Variants in COL13A1 observed in about 807,000 individuals in gnomAD.
COL13A1 encodes the protein collagen alpha-1(XIII) chain.
COL13A1 carries 89 observed loss-of-function variants against 130.9 expected under a neutral mutation model. That is an observed-to-expected ratio of 0.68 (90% CI 0.57 to 0.81). The LOEUF is 0.81. Among genes scored for constraint, COL13A1 ranks in the 30% least tolerant of loss-of-function variants. The pLI, the probability that COL13A1 is intolerant of heterozygous loss-of-function variation, is 0.00. For synonymous variants in COL13A1, 402 were observed against 341.6 expected, an observed-to-expected ratio of 1.18 and a Z score of -1.95; for missense variants, 879 against 934.6, an observed-to-expected ratio of 0.94 and a Z score of 0.78.
At chr10:69,936,578 C>T (rs2066949894) in intron 32 of COL13A1, among the ~76,000 whole-genome samples, 178 bp from the exon 33 acceptor site, 1 of 152,038 alleles carries the variant, frequency 6.6e-6, no homozygotes, top group South Asian at 2.1e-4. Flanking sequence ...TCAGACTATT[C>T]CCTAGGAAGC....
At chr10:69,856,942 C>G (rs1022031538) in intron 2 of COL13A1, among the ~76,000 whole-genome samples, 1 of 151,698 alleles carries the variant, frequency 6.6e-6, no homozygotes, top group East Asian at 1.9e-4. Flanking sequence ...CAAGGCTCAT[C>G]CCTGATTGAT....
chr10:69,907,204 C>T (rs893657164), intron 17 of COL13A1, among the ~76,000 whole-genome samples: 4 of 152,164 alleles, frequency 2.6e-5, no homozygotes, highest in African/African-American at 9.7e-5. Flanking sequence ...ATGGTCTAGG[C>T]ACTATCTTTC....
chr10:69,932,711 TTACTGAGCAC>T, intron 31 of COL13A1, 107 bp downstream of exon 31: 1 of 743,364 alleles, frequency 1.3e-6, no homozygotes, highest in South Asian at 1.5e-5. Context: ...ATGTTTACGT[TTACTGAGCAC>T]CACCATAGGT....
chr10:69,947,325 G>C lies in COL13A1; in HGVS notation c.2041G>C (p.Gly681Arg). ...AGLPGLHGPP[G>R]DKGNRGERGK... ...CTTGCAGGGTTTACATGGACCACCC[G>C]GGGACAAGGGAAACCGGGTGAGTCT... is the stretch of plus-strand genomic sequence containing the variant. The change falls in exon 38 of 41, where the codon GGG becomes CGG. Residue 681 changes from glycine (G) to arginine (R), a missense_variant. This residue lies in a region of COL13A1 where 68 missense variants were observed against 65.8 expected (regional missense o/e 1.03). Coordinates refer to ENST00000645393, the MANE Select transcript of COL13A1 (RefSeq NM_001368882.1). The C allele has an allele frequency of 6.2e-7, 1 of 1,612,574 alleles. No individual in the cohort carries two copies. Among genetic ancestry groups the C allele is most frequent in the South Asian group, 1.1e-5 (1 of 90,766 alleles).
chr10:69,888,422 T>C, intron 9 of COL13A1, 92 bp downstream of exon 9: 1 of 1,524,742 alleles, frequency 6.6e-7, no homozygotes, highest in Non-Finnish European at 8.9e-7. Flanking sequence ...GAAAATGCTT[T>C]ACTTAGAAAG....
At chr10:69,895,480 G>A (rs1274706784) in intron 12 of COL13A1, 70 bp from the exon 13 acceptor site, 6 of 1,540,050 alleles carry the variant, frequency 3.9e-6, no homozygotes, top group Non-Finnish European at 5.4e-6. Flanking sequence ...TGAAGTGCTG[G>A]GGGTGCCCTG....
At chr10:69,825,722 G>A (rs1005821049) in intron 2 of COL13A1, among the ~76,000 whole-genome samples, 3 of 152,202 alleles carry the variant, frequency 2.0e-5, no homozygotes, top group Non-Finnish European at 2.9e-5. Context: ...GTTCTTCCTT[G>A]TGGCAGCCTT....
chr10:69,950,414 C>T (rs1167276491), intron 38 of COL13A1, among the ~76,000 whole-genome samples: 1 of 152,170 alleles, frequency 6.6e-6, no homozygotes, highest in Non-Finnish European at 1.5e-5. Flanking sequence ...CCCATAGTGT[C>T]CGTTACCTGT....
At chr10:69,849,866 G>A (rs1484550018) in intron 2 of COL13A1, among the ~76,000 whole-genome samples, 2 of 152,234 alleles carry the variant, frequency 1.3e-5, no homozygotes, top group Non-Finnish European at 2.9e-5. Context: ...CTTATGGGAT[G>A]GGGCTGAAAC....
At chr10:69,813,191 TG>T (rs200857120) in intron 1 of COL13A1, among the ~76,000 whole-genome samples, 1 of 152,090 alleles carries the variant, frequency 6.6e-6, no homozygotes, top group Admixed American at 6.5e-5. Context: ...TTCTTTGTGG[TG>T]GGGGGCCCCT....
chr10:69,839,708 A>G (rs1156916514), intron 2 of COL13A1, among the ~76,000 whole-genome samples: 1 of 152,232 alleles, frequency 6.6e-6, no homozygotes. Context: ...AAGCCGGTGC[A>G]AAATCCCTGA....
intron 7 of COL13A1, among the ~76,000 whole-genome samples, chr10:69,887,168 A>G (rs905265384): frequency 6.6e-6 from 1 of 152,210 alleles, no homozygotes; most frequent in African/African-American, 2.4e-5. Flanking sequence ...CAAGCCATGC[A>G]TCCACAGCGG....
chr10:69,839,602 T>A (rs1357614260), intron 2 of COL13A1, among the ~76,000 whole-genome samples: 1 of 152,182 alleles, frequency 6.6e-6, no homozygotes, highest in Non-Finnish European at 1.5e-5. Flanking sequence ...GTGCCTGAAC[T>A]TGTCACAGCA....
chr10:69,891,233 T>A (rs1460962051), intron 10 of COL13A1, among the ~76,000 whole-genome samples: 1 of 152,214 alleles, frequency 6.6e-6, no homozygotes, highest in Non-Finnish European at 1.5e-5. Context: ...TAATCCTTAG[T>A]GCCCTGGAAA....
chr10:69,893,148 T>C (rs1051261398), intron 10 of COL13A1, among the ~76,000 whole-genome samples: 1 of 152,202 alleles, frequency 6.6e-6, no homozygotes, highest in African/African-American at 2.4e-5. Context: ...TCTGGGAGTT[T>C]GAGAGCAGCC....
At chr10:69,852,308 GATAATA>G (rs892051643) in intron 2 of COL13A1, among the ~76,000 whole-genome samples, 5 of 152,138 alleles carry the variant, frequency 3.3e-5, no homozygotes, top group Non-Finnish European at 5.9e-5. Flanking sequence ...TGCGGCTAGA[GATAATA>G]ATAATAATAA....
intron 6 of COL13A1, chr10:69,879,547 A>T (rs1225650645): frequency 1.3e-5 from 2 of 152,216 alleles, no homozygotes; most frequent in Non-Finnish European, 2.9e-5. Flanking sequence ...TATCATTGCC[A>T]TGACATAAAC....
rs189038892 is a variant in COL13A1 at position 69,957,688 on chromosome 10, G to T, written c.2184+646G>T. 2.6e-5 allele frequency among the ~76,000 whole-genome samples: 4 copies of T among 152,256 alleles called. No homozygotes were observed. The East Asian group carries it at 7.7e-4, about 29-fold the overall frequency. On this transcript the variant is annotated intron_variant, in intron 40 of 40. Transcript: ENST00000645393. ...CATGTGATCGCCCCATTCAACCATG[G>T]CTCCCCAGAGCACAGGGCTGCCCAG...
chr10:69,861,493 C>T (rs942688863), intron 2 of COL13A1, among the ~76,000 whole-genome samples: 7 of 152,162 alleles, frequency 4.6e-5, no homozygotes, highest in African/African-American at 1.4e-4. Flanking sequence ...GCAATCAATG[C>T]TAGTCCCCAT....
Sources: allele counts gnomAD v4.1 joint callset (sites outside exome capture counted in the v4.1 genomes callset), GRCh38; gene constraint gnomAD v4.1.1; regional missense constraint gnomAD v4.1.1; transcripts MANE v1.5; gene names NCBI Gene and HGNC (gene_info 2026-07-23, HGNC 2026-07-21).